Variants in IRAG1 observed in about 807,000 individuals in gnomAD.
IRAG1 encodes the protein IP3R-associated cGMP kinase substrate.
IRAG1 carries 62 observed loss-of-function variants against 106.2 expected under a neutral mutation model. The ratio of observed to expected loss-of-function variants is 0.58; its 90% CI spans 0.48 to 0.72. IRAG1 has a LOEUF of 0.72. IRAG1 is among the 30% of genes least tolerant of loss of function. IRAG1 has a pLI of 0.00. For missense variants in IRAG1, 1,064 were observed against 1,140.7 expected (o/e 0.93, Z 0.97); for synonymous variants, 462 against 443.9 (o/e 1.04, Z -0.51).
chr11:10,678,003 C>A (rs1190991426), intron 1 of IRAG1, among the ~76,000 whole-genome samples: 8 of 139,128 alleles, frequency 5.8e-5, no homozygotes, highest in African/African-American at 2.2e-4. Flanking sequence ...TTATCTATCT[C>A]TCTATCTGTC....
At chr11:10,623,946 A>G (rs1856028374) in intron 9 of IRAG1, 90 bp from the exon 10 acceptor site, 5 of 1,250,174 alleles carry the variant, frequency 4.0e-6, no homozygotes, top group African/African-American at 3.0e-5. Flanking sequence ...TGCGACCACT[A>G]TCTTAGGTGG....
At chr11:10,645,692 T>C (rs2134815973) in intron 2 of IRAG1, among the ~76,000 whole-genome samples, 1 of 152,374 alleles carries the variant, frequency 6.6e-6, no homozygotes, top group Admixed American at 6.5e-5. Context: ...TATTGTGAGC[T>C]AAGTACTTTG....
At chr11:10,622,738 C>T (rs1855925470) in intron 10 of IRAG1, among the ~76,000 whole-genome samples, 1 of 152,030 alleles carries the variant, frequency 6.6e-6, no homozygotes, top group South Asian at 2.1e-4. Context: ...GTCCTCAGCT[C>T]AAGCAAGCCA....
Position 10,657,914 on chromosome 11 carries a change from T to A in IRAG1, c.68-5732A>T, listed in dbSNP as rs1859049273. ...CCACATCTATGAGTGAGGGGCAGAG[T>A]CAGAAAAGTCCCCAGAGCACCCATG... On this transcript the variant is annotated intron_variant, in intron 1 of 20. Transcript: ENST00000423302. The surrounding 1 kb of genome is among the most constrained non-coding windows in gnomAD (Gnocchi z 4.1). 6.6e-6 allele frequency among the ~76,000 whole-genome samples: 1 copy of A among 152,056 alleles called. No homozygotes were observed. The highest frequency in any genetic ancestry group is 1.5e-5 in the Non-Finnish European group (1 of 68,008).
chr11:10,602,443 C>A (rs72862346), intron 14 of IRAG1, among the ~76,000 whole-genome samples: 2 of 152,118 alleles, frequency 1.3e-5, no homozygotes, highest in African/African-American at 4.8e-5. Context: ...GGTCACACAG[C>A]GAATGAAGGT....
chr11:10,645,642 A>G (rs1389933724), intron 2 of IRAG1, among the ~76,000 whole-genome samples: 1 of 152,178 alleles, frequency 6.6e-6, no homozygotes, highest in East Asian at 1.9e-4. Context: ...ACATGTGGAA[A>G]CTTTTTGCAA....
chr11:10,601,867 T>TA (rs1460612821), intron 14 of IRAG1, among the ~76,000 whole-genome samples: 3 of 152,070 alleles, frequency 2.0e-5, no homozygotes, highest in Non-Finnish European at 4.4e-5. Context: ...GACTGAGACA[T>TA]AGCAGCCAAG....
chr11:10,585,652 G>A (rs1057181088), intron 18 of IRAG1, among the ~76,000 whole-genome samples: 6 of 150,932 alleles, frequency 4.0e-5, no homozygotes, highest in East Asian at 2.0e-4. Flanking sequence ...GTATGATCTC[G>A]GGACCAGCCC....
rs754722400 is a variant in IRAG1, at chr11:10,626,250, C to A, written c.1084G>T (p.Gly362Trp). The A allele has an allele frequency of 1.2e-6, 2 of 1,608,618 alleles. No individual in the cohort carries two copies. The highest frequency in any genetic ancestry group is 2.7e-5 in the African/African-American group (2 of 74,824). ...ATCGGCTCTCCAGCTGGGCCTCTCC[C>A]CTGGGAGGCTGGGGGACCCACTCCT... ...AAGVGPPASQ[G>W]RGPAGEPMGP... is the part of the protein sequence containing the mutation. The change falls in exon 9 of 21, where the codon GGG becomes TGG. Residue 362 changes from glycine (G) to tryptophan (W), a missense_variant. By Grantham distance (184) the Gly-to-Trp change is radical (BLOSUM62 -2). Transcript: ENST00000423302.
At chr11:10,653,006 G>A (rs1858643630) in intron 1 of IRAG1, among the ~76,000 whole-genome samples, 1 of 152,028 alleles carries the variant, frequency 6.6e-6, no homozygotes. Flanking sequence ...GGGGCACTGG[G>A]GTCCCAGTGC....
intron 2 of IRAG1, among the ~76,000 whole-genome samples, chr11:10,638,776 G>C (rs995758492): frequency 1.3e-5 from 2 of 152,124 alleles, no homozygotes; most frequent in Non-Finnish European, 2.9e-5. Flanking sequence ...CTATTTAAAG[G>C]GGCAGGATGG....
intron 2 of IRAG1, among the ~76,000 whole-genome samples, chr11:10,646,295 T>G (rs1857937323): frequency 6.6e-6 from 1 of 152,246 alleles, no homozygotes; most frequent in East Asian, 1.9e-4. Flanking sequence ...CAGTATGTGT[T>G]AGCTTTATTC....
rs1021347419 is a variant in IRAG1, at chr11:10,678,007, ATCTG to A, written c.67+15525_67+15528del. Among the ~76,000 whole-genome samples, 35 of 130,186 alleles carry A rather than the reference ATCTG, an allele frequency of 2.7e-4. No individual in the cohort carries two copies. The East Asian group carries it at 9.8e-3, about 37-fold the overall frequency. 85.4% of individuals were successfully genotyped at this position (130,186 alleles called of 152,430 possible). ...ATATTCCATCATTATCTATCTCTCT[ATCTG>A]TCTATCTATCTATCTATCTATCATC... On this transcript the variant is annotated intron_variant, in intron 1 of 20. Coordinates refer to ENST00000423302, the MANE Select transcript of IRAG1 (RefSeq NM_130385.4).
intron 8 of IRAG1, 83 bp from the exon 9 acceptor site, chr11:10,626,666 GC>G: frequency 6.9e-7 from 1 of 1,445,320 alleles, no homozygotes; most frequent in South Asian, 1.4e-5. Flanking sequence ...TGGAGTCTCT[GC>G]CCCCACACAC....
chr11:10,680,326 A>AGGG, intron 1 of IRAG1, among the ~76,000 whole-genome samples: 1 of 83,426 alleles, frequency 1.2e-5, no homozygotes, highest in African/African-American at 5.7e-5. Flanking sequence ...GGGAGGGGGG[A>AGGG]AGGAAGGAAG....
At chr11:10,688,313 GT>G (rs1861813637) in intron 1 of IRAG1, among the ~76,000 whole-genome samples, 1 of 152,122 alleles carries the variant, frequency 6.6e-6, no homozygotes, top group Non-Finnish European at 1.5e-5. Flanking sequence ...TCTCCCCACT[GT>G]GATAATAAGG....
chr11:10,662,141 C>T (rs577878775), intron 1 of IRAG1, among the ~76,000 whole-genome samples: 1 of 152,230 alleles, frequency 6.6e-6, no homozygotes, highest in East Asian at 1.9e-4. Context: ...GTGCAGTTGC[C>T]CATGCCTGTA....
chr11:10,680,314 G>A (rs1861056300), intron 1 of IRAG1, among the ~76,000 whole-genome samples: 1 of 105,648 alleles, frequency 9.5e-6, no homozygotes, highest in African/African-American at 3.8e-5. Flanking sequence ...GGGAGGGAGG[G>A]AGGGAGGGGG....
At chr11:10,674,270 C>T (rs1460596538) in intron 1 of IRAG1, among the ~76,000 whole-genome samples, 1 of 152,218 alleles carries the variant, frequency 6.6e-6, no homozygotes, top group Non-Finnish European at 1.5e-5. Context: ...CCACACCACA[C>T]TCCACATGCA....
Sources: allele counts gnomAD v4.1 joint callset (sites outside exome capture counted in the v4.1 genomes callset), GRCh38; gene constraint gnomAD v4.1.1; non-coding constraint Gnocchi (gnomAD v3.1); transcripts MANE v1.5; gene names NCBI Gene and HGNC (gene_info 2026-07-23, HGNC 2026-07-21).